The following ASB1 variants were observed in gnomAD, a reference collection of about 807,000 sequenced individuals.
ASB1 encodes ankyrin repeat and SOCS box containing 1.
A neutral mutation model predicts 27.7 loss-of-function variants in ASB1; 18 were observed. The ratio of observed to expected loss-of-function variants is 0.65; its 90% CI spans 0.45 to 0.96. The LOEUF (loss-of-function observed/expected upper bound fraction) is 0.96. Ranked by LOEUF, ASB1 falls within the 50% of genes least tolerant of loss-of-function variation. ASB1 has a pLI of 0.00. For missense variants in ASB1, 397 were observed against 451.7 expected (o/e 0.88, Z 1.10); for synonymous variants, 189 against 187.6 (o/e 1.01, Z -0.06).
chr2:238,434,646 A>C (rs112634631), intron 2 of ASB1, among the ~76,000 whole-genome samples: 3 of 152,372 alleles, frequency 2.0e-5, no homozygotes, highest in African/African-American at 7.2e-5. Context: ...AAATACCAGA[A>C]AGGACTGTCA....
Position 238,446,613 on chromosome 2 carries a change from G to C in ASB1, c.*102G>C. On this transcript the variant is annotated 3_prime_UTR_variant, in exon 5 of 5. Transcript: ENST00000264607. Reference sequence around the variant, plus strand: ...TGCTGCTGCTGGTCTCCTGATGGCTGTTGCTGCAGAAGATGTCCTCGTAGA... The same window carrying C: ...TGCTGCTGCTGGTCTCCTGATGGCTCTTGCTGCAGAAGATGTCCTCGTAGA... The C allele has an allele frequency of 6.8e-7, 1 of 1,460,634 alleles. No individual in the cohort carries two copies. Among genetic ancestry groups the C allele is most frequent in the Non-Finnish European group, 9.5e-7 (1 of 1,055,226 alleles). The allele number at this position is 1,460,634 out of a possible 1,614,324, so 90.5% of individuals were successfully genotyped here. A position where few individuals can be genotyped will look rare whatever the true frequency, so the allele number is the denominator to read the frequency against.
Position 238,426,976 on chromosome 2 carries a change from C to A in ASB1, c.-95C>A. 2 of 1,017,554 alleles carry A rather than the reference C, an allele frequency of 2.0e-6. No individual in the cohort carries two copies. The highest frequency in any genetic ancestry group is 2.5e-6 in the Non-Finnish European group (2 of 795,150). 63.0% of individuals were successfully genotyped at this position (1,017,554 alleles called of 1,614,324 possible). A position where few individuals can be genotyped will look rare whatever the true frequency, so the allele number is the denominator to read the frequency against. Reference sequence around the variant, plus strand: ...GAAGCCGCGACCCCGACGCGCCCCCCATTGCCCTCGGCGCCGGAAGTGGTC... The same window carrying A: ...GAAGCCGCGACCCCGACGCGCCCCCAATTGCCCTCGGCGCCGGAAGTGGTC... On this transcript the variant is annotated 5_prime_UTR_variant, in exon 1 of 5. Transcript: ENST00000264607.
intron 3 of ASB1, among the ~76,000 whole-genome samples, chr2:238,438,786 T>C (rs1051174848): frequency 4.6e-5 from 7 of 152,188 alleles, no homozygotes; most frequent in African/African-American, 1.4e-4. Context: ...GTAAGTCACC[T>C]CCATTTTGTT....
chr2:238,439,182 T>G (rs1290236092), intron 3 of ASB1, among the ~76,000 whole-genome samples: 3 of 152,210 alleles, frequency 2.0e-5, no homozygotes, highest in African/African-American at 7.2e-5. Flanking sequence ...GTTGGCTCTG[T>G]GTGTTTTAGA....
Position 238,446,536 on chromosome 2 carries a change from A to G in ASB1, c.*25A>G. 6.2e-7 allele frequency: 1 copy of G among 1,611,810 alleles called. No individual in the cohort carries two copies. Among genetic ancestry groups the G allele is most frequent in the Non-Finnish European group, 8.5e-7 (1 of 1,179,782 alleles). ...GACTCCAAGTGCTGCGGTTGATTCC[A>G]GTGAGGGAGAAAGTGATCTGCAGGG... On this transcript the variant is annotated 3_prime_UTR_variant, in exon 5 of 5. Coordinates refer to ENST00000264607, the MANE Select transcript of ASB1 (RefSeq NM_001040445.3).
chr2:238,443,885 G>A (rs959922038), intron 3 of ASB1, among the ~76,000 whole-genome samples: 3 of 152,030 alleles, frequency 2.0e-5, no homozygotes, highest in African/African-American at 7.2e-5. Flanking sequence ...ATGGTATATT[G>A]CTTTCTTAAT....
At chr2:238,434,442 C>T (rs1021278499) in intron 2 of ASB1, among the ~76,000 whole-genome samples, 23 of 152,192 alleles carry the variant, frequency 1.5e-4, no homozygotes, top group Admixed American at 9.8e-4. Flanking sequence ...TGTGTTTCCG[C>T]GTTCCCTTCA....
At position 238,446,691 on chromosome 2, in the gene ASB1, C is replaced by A; in HGVS notation, c.*180C>A. ...CGCTGAACAGTCCTTGGGTCATTGT[C>A]AGCTGAGAGGCTTATACTAAAGTTA... is the stretch of plus-strand genomic sequence containing the variant. On this transcript the variant is annotated 3_prime_UTR_variant, in exon 5 of 5. Coordinates refer to ENST00000264607, the MANE Select transcript of ASB1 (RefSeq NM_001040445.3). The A allele has an allele frequency of 1.5e-6, 1 of 677,916 alleles. No homozygotes were observed. Among genetic ancestry groups the A allele is most frequent in the Non-Finnish European group, 2.5e-6 (1 of 401,512 alleles). 42.0% of individuals were successfully genotyped at this position (677,916 alleles called of 1,614,324 possible).
Position 238,446,683 on chromosome 2 carries a change from G to A in ASB1, c.*172G>A. ...GCCTGGGCCGCTGAACAGTCCTTGG[G>A]TCATTGTCAGCTGAGAGGCTTATAC... is the stretch of plus-strand genomic sequence containing the variant. On this transcript the variant is annotated 3_prime_UTR_variant, in exon 5 of 5. Transcript: ENST00000264607. The A allele has an allele frequency of 1.4e-6, 1 of 730,026 alleles. No homozygotes were observed. Among genetic ancestry groups the A allele is most frequent in the East Asian group, 2.7e-5 (1 of 37,174 alleles). The allele number at this position is 730,026 out of a possible 1,614,324, so 45.2% of individuals were successfully genotyped here.
At chr2:238,428,292 G>C (rs1286777741) in intron 1 of ASB1, among the ~76,000 whole-genome samples, 1 of 152,324 alleles carries the variant, frequency 6.6e-6, no homozygotes, top group Non-Finnish European at 1.5e-5. Context: ...CGGCTGCACA[G>C]GTCTCCTTTT....
chr2:238,427,554 G>C (rs1381258842), intron 1 of ASB1: 1 of 52,862 alleles, frequency 1.9e-5, no homozygotes, highest in South Asian at 7.7e-4. Context: ...TGGTACAGCG[G>C]GGGGCAGCCT....
At position 238,449,250 on chromosome 2, in the gene ASB1, G is replaced by A. The variant is rs1395210095; in HGVS notation, c.*2739G>A. 2.0e-5 allele frequency: 3 copies of A among 152,232 alleles called. No individual in the cohort carries two copies. Among genetic ancestry groups the A allele is most frequent in the Admixed American group, 2.0e-4 (3 of 15,286 alleles). The allele number at this position is 152,232 out of a possible 1,614,324, so 9.4% of individuals were successfully genotyped here. On this transcript the variant is annotated 3_prime_UTR_variant, in exon 5 of 5. Transcript: ENST00000264607. ...GACAGGTTACAGAATAGGAAGAGTA[G>A]CACTTTCCGCCTAAGCACTTTAGGA...
chr2:238,427,621 C>T (rs1226422391), intron 1 of ASB1: 2 of 153,436 alleles, frequency 1.3e-5, no homozygotes, highest in East Asian at 1.9e-4. Flanking sequence ...CCAGCGAGCT[C>T]GTCAGTGACA....
At chr2:238,437,802 TC>T (rs1410800169) in intron 3 of ASB1, among the ~76,000 whole-genome samples, 2 of 152,204 alleles carry the variant, frequency 1.3e-5, no homozygotes, top group Non-Finnish European at 2.9e-5. Context: ...GACCTGGGAT[TC>T]CCTTTACCCA....
Position 238,451,621 on chromosome 2 carries a change from C to T in ASB1, c.*5110C>T. 6.5e-6 allele frequency: 1 copy of T among 152,688 alleles called. No individual in the cohort carries two copies. Among genetic ancestry groups the T allele is most frequent in the East Asian group, 1.9e-4 (1 of 5,188 alleles). 9.5% of individuals were successfully genotyped at this position (152,688 alleles called of 1,614,324 possible). ...TGCTTTGGTAATCAACACGTGTTTG[C>T]CTGCAGTGGCCGGGACCGTGACTGT... On this transcript the variant is annotated 3_prime_UTR_variant, in exon 5 of 5. Transcript: ENST00000264607.
chr2:238,430,610 C>T (rs10194338), intron 1 of ASB1, among the ~76,000 whole-genome samples: 24,221 of 152,184 alleles, frequency 0.16, 3,745 homozygotes, highest in African/African-American at 0.4. Flanking sequence ...TTGGTGAATC[C>T]TTTCCAGAAG....
chr2:238,449,928 G>A lies in ASB1; in HGVS notation c.*3417G>A, dbSNP rs1030709810. The A allele has an allele frequency of 6.6e-6, 1 of 152,230 alleles. No homozygotes were observed. The highest frequency in any genetic ancestry group is 1.5e-5 in the Non-Finnish European group (1 of 68,054). The allele number at this position is 152,230 out of a possible 1,614,324, so 9.4% of individuals were successfully genotyped here. Reference sequence around the variant, plus strand: ...AGAGTCTGCCTGAGAGAGACGCTTGGCCTGTGCTTTGCTGCCATCCGTGCG... The same window carrying A: ...AGAGTCTGCCTGAGAGAGACGCTTGACCTGTGCTTTGCTGCCATCCGTGCG... On this transcript the variant is annotated 3_prime_UTR_variant, in exon 5 of 5. Transcript: ENST00000264607.
chr2:238,432,529 C>T (rs896732347), intron 1 of ASB1, among the ~76,000 whole-genome samples: 1 of 152,118 alleles, frequency 6.6e-6, no homozygotes, highest in Admixed American at 6.5e-5. Flanking sequence ...TCCCTGTGGC[C>T]GTTGCCCAGG....
intron 3 of ASB1, among the ~76,000 whole-genome samples, chr2:238,439,070 A>G (rs1429376049): frequency 1.3e-5 from 2 of 152,220 alleles, no homozygotes; most frequent in Non-Finnish European, 2.9e-5. Flanking sequence ...AACGTTTTGG[A>G]AGATTTTCCC....
Sources: allele counts gnomAD v4.1 joint callset (sites outside exome capture counted in the v4.1 genomes callset), GRCh38; gene constraint gnomAD v4.1.1; transcripts MANE v1.5; gene names NCBI Gene and HGNC (gene_info 2026-07-23, HGNC 2026-07-21).